Variants in MBD4 observed in about 807,000 individuals in gnomAD.
The protein encoded by MBD4 is methyl-CpG binding domain 4, DNA glycosylase.
Under a neutral mutation model 60.2 loss-of-function variants are expected in MBD4, and 53 were observed. That is an observed-to-expected ratio of 0.88 (90% CI 0.71 to 1.11). The LOEUF (loss-of-function observed/expected upper bound fraction) is 1.11. Among genes scored for constraint, MBD4 ranks in the 50% least tolerant of loss-of-function variants. The pLI, the probability that MBD4 is intolerant of heterozygous loss-of-function variation, is 0.00. For synonymous variants in MBD4, 231 were observed against 229.8 expected (o/e 1.01, Z -0.05); for missense variants, 619 against 674.0 (o/e 0.92, Z 0.90).
chr3:129,438,942 A>C (rs72986971), intron 1 of MBD4, among the ~76,000 whole-genome samples: 11 of 152,160 alleles, frequency 7.2e-5, no homozygotes, highest in African/African-American at 1.2e-4. Flanking sequence ...TCAAAAAAAA[A>C]CCCACTAAAC....
rs764203191 is a variant in MBD4, at chr3:129,436,657, A to G, written c.987T>C (p.Thr329=). The G allele has an allele frequency of 9.9e-6, 16 of 1,614,054 alleles. No individual in the cohort carries two copies. In the South Asian group the frequency reaches 1.8e-4, roughly 18 times the overall value. ...SGSNFCSEQK[T]SGIINKFCSA... is the part of the protein sequence containing the mutation. ...AACAAAATTTGTTTATGATGCCAGA[A>G]GTTTTTTGTTCAGAACAAAAATTTG... The change falls in exon 3 of 8, where the codon ACT becomes ACC. Residue 329 remains threonine, a synonymous_variant. Transcript: ENST00000429544.
In MBD4 at chr3:129,436,868, T is replaced by G; in HGVS notation, c.776A>C (p.Gln259Pro). ...CACAGATTCTCTTTTGCTATCACTT[T>G]GAACAAAACCTGAACAGCTCTTCCT... is the stretch of plus-strand genomic sequence containing the variant. ...GCRKSCSGFV[Q>P]SDSKRESVCN... Residue 259 changes from glutamine (Q) to proline (P), a missense_variant, in exon 3 of 8, where the codon CAA (glutamine) becomes CCA (proline). Transcript: ENST00000429544. 6.2e-7 allele frequency: 1 copy of G among 1,614,204 alleles called. No homozygotes were observed. The highest frequency in any genetic ancestry group is 1.6e-4 in the Middle Eastern group (1 of 6,062).
At chr3:129,438,723 C>A (rs57593455) in intron 1 of MBD4, among the ~76,000 whole-genome samples, 3,939 of 150,104 alleles carry the variant, frequency 0.026, 156 homozygotes, top group African/African-American at 0.091. Flanking sequence ...CTGGAGAGCA[C>A]AGTGAGATCC....
At chr3:129,431,654 T>TTTAA (rs1209502285) in intron 7 of MBD4, 76 bp from the exon 8 acceptor site, 6 of 1,077,060 alleles carry the variant, frequency 5.6e-6, no homozygotes, top group Non-Finnish European at 8.5e-6. Context: ...AAATTGGCTT[T>TTTAA]TTAAATGTTT....
rs773681233 is a variant in MBD4 at position 129,437,884 on chromosome 3, T to C, written c.171A>G (p.Arg57=). ...GEDEEQMMIK[R]SSECNPLLQE... ...GTAGCAAGGGATTACATTCACTGCT[T>C]CTTTTTATCATCATTTGTTCCTCAT... Residue 57 remains arginine, a synonymous_variant, in exon 2 of 8, where the codon AGA becomes AGG. Transcript: ENST00000429544. 1 of 1,614,036 alleles carries C rather than the reference T, an allele frequency of 6.2e-7. No homozygotes were observed. Among genetic ancestry groups the C allele is most frequent in the South Asian group, 1.1e-5 (1 of 91,078 alleles).
rs1233444470 is a variant in MBD4 at position 129,432,564 on chromosome 3, T to C, written c.1586A>G (p.His529Arg). ...GTCGTTGCCATATTTACCAATCCCA[T>C]GAAGCTCAATTGGATACTTCCACTG... is the stretch of plus-strand genomic sequence containing the variant. ...TKQWKYPIEL[H>R]GIGKYGNDSY... Residue 529 changes from histidine (H) to arginine (R), a missense_variant, in exon 7 of 8, where the codon CAT (histidine) becomes CGT (arginine). By Grantham distance (29) the His-to-Arg change is conservative. Transcript: ENST00000429544. 8.7e-6 allele frequency: 14 copies of C among 1,613,952 alleles called. No homozygotes were observed. In the East Asian group the frequency reaches 2.0e-4, roughly 23 times the overall value.
chr3:129,439,676 C>T (rs1221964858), intron 1 of MBD4, 54 bp downstream of exon 1: 31 of 1,113,228 alleles, frequency 2.8e-5, no homozygotes, highest in Non-Finnish European at 4.2e-5. Flanking sequence ...TCCACTCTCC[C>T]GATACCATTT....
At position 129,436,743 on chromosome 3, in the gene MBD4, T is replaced by C. The variant is rs1396811273; in HGVS notation, c.901A>G (p.Ser301Gly). 5 of 1,614,070 alleles carry C rather than the reference T, an allele frequency of 3.1e-6. No individual in the cohort carries two copies. In the Middle Eastern group the frequency reaches 4.9e-4, roughly 160 times the overall value. The change falls in exon 3 of 8, where the codon AGT (serine) becomes GGT (glycine). Residue 301 changes from serine (S) to glycine (G), a missense_variant. Transcript: ENST00000429544. ...SDAGACGETL[S>G]VTSEENSLVK... ...AGGCTGTTTTCTTCACTGGTCACAC[T>C]GAGGGTCTCACCACATGCTCCAGCA...
rs766351948 is a variant in MBD4, at chr3:129,434,195, G to A, written c.1184-59C>T. ...ATGGTTTAGCTTAAAGCAATATTGA[G>A]GGATGCAAATAATAATATCAACACT... is the stretch of plus-strand genomic sequence containing the variant. On this transcript the variant is annotated intron_variant, in intron 3 of 7. Transcript: ENST00000429544. 4 of 1,291,872 alleles carry A rather than the reference G, an allele frequency of 3.1e-6. No homozygotes were observed. The East Asian group carries it at 9.2e-5, about 30-fold the overall frequency. The allele number at this position is 1,291,872 out of a possible 1,614,324, so 80.0% of individuals were successfully genotyped here. A position where few individuals can be genotyped will look rare whatever the true frequency, so the allele number is the denominator to read the frequency against.
chr3:129,436,359 A>G, intron 3 of MBD4, 102 bp downstream of exon 3: 4 of 1,436,596 alleles, frequency 2.8e-6, no homozygotes, highest in Non-Finnish European at 3.9e-6. Flanking sequence ...TCACATCTTA[A>G]CCATGTATGG....
At chr3:129,435,383 T>C (rs899806655) in intron 3 of MBD4, among the ~76,000 whole-genome samples, 11 of 152,228 alleles carry the variant, frequency 7.2e-5, no homozygotes, top group Non-Finnish European at 1.6e-4. Context: ...CATGGACACC[T>C]CGTACTAAGA....
At chr3:129,439,578 AC>A (rs34884786) in intron 1 of MBD4, 151 bp downstream of exon 1, 8 of 686,390 alleles carry the variant, frequency 1.2e-5, no homozygotes, top group Admixed American at 1.1e-4. Flanking sequence ...CAGGAAGAGC[AC>A]CTGGGCTCCA....
intron 1 of MBD4, 83 bp downstream of exon 1, chr3:129,439,647 T>C (rs1159838754): frequency 1.1e-6 from 1 of 919,076 alleles, no homozygotes; most frequent in Non-Finnish European, 1.8e-6. Flanking sequence ...TGTCAAAGGT[T>C]AGAAAGGCCC....
At chr3:129,433,449 A>T in intron 5 of MBD4, 1 of 633,656 alleles carries the variant, frequency 1.6e-6, no homozygotes, top group Non-Finnish European at 2.7e-6. Context: ...TATTGGGCTA[A>T]TAGTCCAAAT....
chr3:129,435,054 C>G (rs192878903), intron 3 of MBD4, among the ~76,000 whole-genome samples: 167 of 152,234 alleles, frequency 1.1e-3, no homozygotes, highest in African/African-American at 3.1e-3. Flanking sequence ...CAGGACTAGT[C>G]AGGATGGTTA....
At position 129,436,609 on chromosome 3, in the gene MBD4, G is replaced by A. The variant is rs748961506; in HGVS notation, c.1035C>T (p.Asn345=). ...CTAAAAAGGTATCCTCATACTTCTC[G>A]TTGTGTTCTGAGTCTTTGGCTGAAC... is the stretch of plus-strand genomic sequence containing the variant. ...KFCSAKDSEH[N]EKYEDTFLES... The change falls in exon 3 of 8, where the codon AAC becomes AAT. Residue 345 remains asparagine, a synonymous_variant. Coordinates refer to ENST00000429544, the MANE Select transcript of MBD4 (RefSeq NM_001276270.2). 1.6e-5 allele frequency: 26 copies of A among 1,613,982 alleles called. No individual in the cohort carries two copies. In the South Asian group the frequency reaches 1.6e-4, roughly 10 times the overall value.
chr3:129,433,271 G>A (rs369371876), intron 5 of MBD4, 24 bp from the exon 6 acceptor site: 20 of 1,613,030 alleles, frequency 1.2e-5, no homozygotes, highest in African/African-American at 2.7e-5. Context: ...GTAACTGAAT[G>A]ATTACAAGAC....
At chr3:129,434,251 C>T in intron 3 of MBD4, 115 bp from the exon 4 acceptor site, 1 of 832,532 alleles carries the variant, frequency 1.2e-6, no homozygotes, top group East Asian at 2.6e-5. Context: ...CTATTCTAAG[C>T]CCTTTACATA....
In MBD4 at chr3:129,431,275, G is replaced by T. The variant is rs1298559618; in HGVS notation, c.*226C>A. On this transcript the variant is annotated 3_prime_UTR_variant, in exon 8 of 8. Coordinates refer to ENST00000429544, the MANE Select transcript of MBD4 (RefSeq NM_001276270.2). Reference sequence around the variant, plus strand: ...CATTGGAAAAGCCGTATTTTTTTTGGATTGTTGTCAAATAATAATTTATTT... The same window carrying T: ...CATTGGAAAAGCCGTATTTTTTTTGTATTGTTGTCAAATAATAATTTATTT... The T allele has an allele frequency of 8.2e-5, 40 of 489,954 alleles. No homozygotes were observed. Among genetic ancestry groups the T allele is most frequent in the Non-Finnish European group, 1.2e-4 (32 of 275,432 alleles). 30.4% of individuals were successfully genotyped at this position (489,954 alleles called of 1,614,324 possible).
Sources: gnomAD v4.1 joint callset for allele counts (sites outside exome capture counted in the v4.1 genomes callset) on GRCh38, gnomAD v4.1.1 for gene constraint, MANE v1.5 for transcripts, NCBI Gene and HGNC (gene_info 2026-07-23, HGNC 2026-07-21) for gene names.